Variants in SLC16A12 observed in about 807,000 individuals in gnomAD.
SLC16A12 encodes solute carrier family 16 member 12, also known as monocarboxylate transporter 12.
In SLC16A12, 17 loss-of-function variants were observed where a neutral mutation model predicts 42.4. That is an observed-to-expected ratio of 0.40 (90% CI 0.27 to 0.60). The LOEUF (loss-of-function observed/expected upper bound fraction) is 0.60, where lower values mean the gene tolerates loss of function less well. Among genes scored for constraint, SLC16A12 ranks in the 20% least tolerant of loss-of-function variants. SLC16A12 has a pLI of 0.42. For missense variants in SLC16A12, 544 were observed against 623.0 expected (o/e 0.87, Z 1.35); for synonymous variants, 224 against 229.4 (o/e 0.98, Z 0.21).
chr10:89,552,375 T>C (rs910767042), intron 2 of SLC16A12, among the ~76,000 whole-genome samples: 2 of 152,246 alleles, frequency 1.3e-5, no homozygotes, highest in South Asian at 4.1e-4. Context: ...ATTTAAAAAT[T>C]ATAGGCTTCT....
chr10:89,522,154 C>A (rs1277588948), intron 2 of SLC16A12, among the ~76,000 whole-genome samples: 2 of 152,202 alleles, frequency 1.3e-5, no homozygotes, highest in East Asian at 3.8e-4. Flanking sequence ...ACACTATCTA[C>A]CTGTCATCAC....
chr10:89,531,659 G>A lies in SLC16A12; in HGVS notation c.-47+2842C>T, dbSNP rs138287088. On this transcript the variant is annotated intron_variant, in intron 2 of 7. Transcript: ENST00000371790. ...CAGAACAGAGTCACATGCATGTAGA[G>A]GGGCAGAGAGGTGATAAGTGTCTAT... Among the ~76,000 whole-genome samples the A allele has an allele frequency of 5.6e-3, 856 of 152,270 alleles. 5 individuals are homozygous for A. Among genetic ancestry groups the A allele is most frequent in the African/African-American group, 0.02 (823 of 41,556 alleles).
intron 2 of SLC16A12, among the ~76,000 whole-genome samples, chr10:89,525,856 C>T (rs1399946945): frequency 6.6e-6 from 1 of 152,116 alleles, no homozygotes; most frequent in Non-Finnish European, 1.5e-5. Flanking sequence ...TCAAGTTCCA[C>T]AAGGGAGAAC....
chr10:89,441,344 A>C, intron 4 of SLC16A12, 93 bp from the exon 5 acceptor site: 1 of 1,498,568 alleles, frequency 6.7e-7, no homozygotes, highest in African/African-American at 1.4e-5. Flanking sequence ...AGAACCTTTA[A>C]AGCATTGAGC....
chr10:89,531,728 C>G (rs1275765586), intron 2 of SLC16A12, among the ~76,000 whole-genome samples: 3 of 152,174 alleles, frequency 2.0e-5, no homozygotes, highest in African/African-American at 7.2e-5. Context: ...AGAGGAAGTT[C>G]TCTACGTGTC....
intron 1 of SLC16A12, 29 bp from the exon 2 acceptor site, chr10:89,534,669 A>AGT (rs1843621304): frequency 6.8e-6 from 1 of 148,070 alleles, no homozygotes; most frequent in East Asian, 2.0e-4. Flanking sequence ...AAAAAAAAAA[A>AGT]AATCCAAAAA....
chr10:89,440,073 C>CAAAAAAAAAAAAAA (rs10674171), intron 5 of SLC16A12, among the ~76,000 whole-genome samples: 1 of 31,430 alleles, frequency 3.2e-5, no homozygotes, highest in African/African-American at 1.2e-4. Flanking sequence ...GACCCTGTCT[C>CAAAAAAAAAAAAAA]AAAAAAAAAA....
intron 2 of SLC16A12, among the ~76,000 whole-genome samples, chr10:89,532,845 T>C (rs571061464): frequency 6.6e-6 from 1 of 152,280 alleles, no homozygotes; most frequent in East Asian, 1.9e-4. Context: ...GGGGACAAAA[T>C]GTAAAGTGAG....
intron 2 of SLC16A12, among the ~76,000 whole-genome samples, chr10:89,481,629 CTGTT>C (rs1242487454): frequency 6.8e-5 from 10 of 148,088 alleles, no homozygotes; most frequent in Admixed American, 4.7e-4. Context: ...CTAATTGACA[CTGTT>C]TTTTTTTTCT....
intron 2 of SLC16A12, among the ~76,000 whole-genome samples, chr10:89,484,116 C>T (rs1259217464): frequency 1.3e-5 from 2 of 152,202 alleles, no homozygotes; most frequent in East Asian, 1.9e-4. Flanking sequence ...TAGCAAGACA[C>T]TGTCTCAAAA....
chr10:89,556,182 C>T (rs1241933520), intron 1 of SLC16A12, among the ~76,000 whole-genome samples: 2 of 152,128 alleles, frequency 1.3e-5, no homozygotes, highest in South Asian at 2.1e-4. Flanking sequence ...TTTATGCTTC[C>T]TCGCTTTCAA....
intron 2 of SLC16A12, among the ~76,000 whole-genome samples, chr10:89,498,666 G>A (rs181146963): frequency 3.7e-4 from 57 of 152,318 alleles, no homozygotes; most frequent in Non-Finnish European, 1.6e-4. Flanking sequence ...CAGAATGACT[G>A]CAGGAATAAA....
intron 2 of SLC16A12, among the ~76,000 whole-genome samples, chr10:89,533,670 T>C (rs144814024): frequency 2.0e-5 from 3 of 152,274 alleles, no homozygotes; most frequent in Non-Finnish European, 4.4e-5. Flanking sequence ...CTATTTGGAC[T>C]AATTTTCTTC....
chr10:89,444,834 C>T (rs1415154725), intron 3 of SLC16A12, among the ~76,000 whole-genome samples: 1 of 152,184 alleles, frequency 6.6e-6, no homozygotes, highest in Non-Finnish European at 1.5e-5. Context: ...AGGGGATTTC[C>T]CTTTCCTAGC....
At chr10:89,492,122 C>T (rs1028168652) in intron 2 of SLC16A12, among the ~76,000 whole-genome samples, 2 of 152,060 alleles carry the variant, frequency 1.3e-5, no homozygotes, top group Non-Finnish European at 2.9e-5. Flanking sequence ...AATGTTCTCC[C>T]GCTGGCTTCA....
chr10:89,439,298 C>A, intron 5 of SLC16A12, 115 bp from the exon 6 acceptor site: 2 of 1,036,030 alleles, frequency 1.9e-6, no homozygotes, highest in South Asian at 3.2e-5. Context: ...CCTTTTAAAG[C>A]TGCTTTTTAC....
intron 3 of SLC16A12, among the ~76,000 whole-genome samples, chr10:89,458,487 T>C (rs1156713433): frequency 2.6e-5 from 4 of 152,298 alleles, no homozygotes; most frequent in Admixed American, 1.3e-4. Context: ...AGTTATCCAA[T>C]TGAAAGATTT....
At chr10:89,520,043 G>A (rs1843327629) in intron 2 of SLC16A12, among the ~76,000 whole-genome samples, 1 of 151,418 alleles carries the variant, frequency 6.6e-6, no homozygotes, top group African/African-American at 2.4e-5. Flanking sequence ...AACCTGGGAG[G>A]TGGAGGTTGC....
chr10:89,485,296 T>C (rs547302431), intron 2 of SLC16A12, among the ~76,000 whole-genome samples: 2 of 152,198 alleles, frequency 1.3e-5, no homozygotes, highest in African/African-American at 2.4e-5. Flanking sequence ...CTGGCCCAAA[T>C]GTCAACAGTG....
Sources: gnomAD v4.1 joint callset for allele counts (sites outside exome capture counted in the v4.1 genomes callset) on GRCh38, gnomAD v4.1.1 for gene constraint, MANE v1.5 for transcripts, NCBI Gene and HGNC (gene_info 2026-07-23, HGNC 2026-07-21) for gene names.